The following KLHL4 variants were observed in gnomAD, a reference collection of about 807,000 sequenced individuals.
KLHL4 encodes kelch-like protein 4.
In KLHL4, 17 loss-of-function variants were observed where a neutral mutation model predicts 45.8. The ratio of observed to expected loss-of-function variants is 0.37; its 90% confidence interval spans 0.25 to 0.56. The LOEUF (loss-of-function observed/expected upper bound fraction) is 0.56. Among genes scored for constraint, KLHL4 ranks in the 20% least tolerant of loss-of-function variants. KLHL4 has a pLI of 0.79. For missense variants in KLHL4, 544 were observed against 544.9 expected (o/e 1.00, Z 0.02); for synonymous variants, 224 against 189.9 (o/e 1.18, Z -1.47).
rs887320719 is a variant in KLHL4, at chrX:87,617,844, A to G, written c.728-88A>G. The G allele has an allele frequency of 6.8e-6, 5 of 732,934 alleles. No individual in the cohort carries two copies. The African/African-American group carries it at 1.1e-4, about 16-fold the overall frequency. The allele number at this position is 732,934 out of a possible 1,213,427, so 60.4% of individuals were successfully genotyped here. ...GCTGAAAATCATAGCTCTACTAGAGAGGAAAATAAAAAAAAAATGTCAACT... is the reference window on the plus strand; with the variant it reads ...GCTGAAAATCATAGCTCTACTAGAGGGGAAAATAAAAAAAAAATGTCAACT... On this transcript the variant is annotated intron_variant, in intron 3 of 10. Transcript: ENST00000373119.
chrX:87,602,081 A>T (rs1188977605), intron 1 of KLHL4, among the ~76,000 whole-genome samples: 1 of 111,310 alleles, frequency 9.0e-6, no homozygotes, highest in Non-Finnish European at 1.9e-5. Context: ...ATGTTTATAA[A>T]ATATGGACAT....
rs34590694 is a variant in KLHL4, at chrX:87,531,557, T to C, written c.422+13242T>C. 1.1e-4 allele frequency among the ~76,000 whole-genome samples: 12 copies of C among 107,712 alleles called. No homozygotes were observed. In the South Asian group the frequency reaches 5.0e-3, roughly 45 times the overall value. The allele number at this position is 107,712 out of a possible 115,157, so 93.5% of individuals were successfully genotyped here. On this transcript the variant is annotated intron_variant, in intron 1 of 10. Transcript: ENST00000373119. Reference sequence around the variant, plus strand: ...AAGTCAAATTGTCCCTGTTTGCAGATGACATGATTGTATATCTAGAAAACC... The same window carrying C: ...AAGTCAAATTGTCCCTGTTTGCAGACGACATGATTGTATATCTAGAAAACC...
At chrX:87,531,967 A>C (rs1931294391) in intron 1 of KLHL4, among the ~76,000 whole-genome samples, 1 of 105,131 alleles carries the variant, frequency 9.5e-6, no homozygotes, top group Admixed American at 1.0e-4. Flanking sequence ...TTCTTCACAG[A>C]ATTGGAAAAA....
intron 1 of KLHL4, among the ~76,000 whole-genome samples, chrX:87,570,850 G>A (rs1348703271): frequency 9.1e-6 from 1 of 110,391 alleles, no homozygotes; most frequent in Admixed American, 9.7e-5. Flanking sequence ...AAAATATTTG[G>A]GAGGTAGGAT....
intron 4 of KLHL4, 60 bp from the exon 5 acceptor site, chrX:87,622,151 C>A: frequency 1.4e-6 from 1 of 734,238 alleles, no homozygotes; most frequent in African/African-American, 2.1e-5. Context: ...CTTTGATATG[C>A]TTATTCCATT....
intron 1 of KLHL4, among the ~76,000 whole-genome samples, chrX:87,552,838 A>T (rs1483896761): frequency 9.1e-6 from 1 of 110,155 alleles, no homozygotes; most frequent in African/African-American, 3.3e-5. Context: ...GGAGGTACAG[A>T]TGGTTAGTGG....
At chrX:87,632,540 A>G in intron 7 of KLHL4, 106 bp downstream of exon 7, 1 of 479,487 alleles carries the variant, frequency 2.1e-6, no homozygotes, top group Non-Finnish European at 3.4e-6. Context: ...CCTTAGTGAA[A>G]ATGTCTCCAA....
intron 1 of KLHL4, among the ~76,000 whole-genome samples, chrX:87,553,232 A>T (rs1295772464): frequency 9.0e-6 from 1 of 111,124 alleles, no homozygotes; most frequent in East Asian, 2.8e-4. Context: ...AAAAAGTAGA[A>T]ATCAATACAT....
intron 8 of KLHL4, among the ~76,000 whole-genome samples, chrX:87,635,132 T>G (rs1385759318): frequency 8.9e-6 from 1 of 111,959 alleles, no homozygotes; most frequent in Non-Finnish European, 1.9e-5. Context: ...AATTTTTTAA[T>G]GCAAATATAA....
chrX:87,544,736 C>G (rs759587873), intron 1 of KLHL4, among the ~76,000 whole-genome samples: 2 of 111,764 alleles, frequency 1.8e-5, no homozygotes, highest in Non-Finnish European at 3.8e-5. Flanking sequence ...AGAACCACAG[C>G]ATTACAGGGT....
rs772100679 is a variant in KLHL4, at chrX:87,636,136, T to A, written c.1925+361T>A. Among the ~76,000 whole-genome samples the A allele has an allele frequency of 3.6e-5, 4 of 112,628 alleles. No individual in the cohort carries two copies. In the South Asian group the frequency reaches 1.4e-3, roughly 41 times the overall value. The stretch of plus-strand genomic sequence containing the variant: ...TTATCTTCTGTACAATTGTACACTT[T>A]CTCTTAGACTAAAAATATATTTTTT... On this transcript the variant is annotated intron_variant, in intron 9 of 10. Transcript: ENST00000373119.
intron 1 of KLHL4, among the ~76,000 whole-genome samples, chrX:87,571,100 T>A (rs1248516619): frequency 1.8e-5 from 2 of 110,996 alleles, no homozygotes; most frequent in East Asian, 5.7e-4. Context: ...TATTTTATAA[T>A]CTGACAACTC....
intron 1 of KLHL4, among the ~76,000 whole-genome samples, chrX:87,595,836 T>C (rs1366027344): frequency 9.0e-6 from 1 of 111,409 alleles, no homozygotes; most frequent in African/African-American, 3.3e-5. Context: ...CTAATAATAC[T>C]AAATATAAAT....
chrX:87,553,569 A>T (rs757601432), intron 1 of KLHL4, among the ~76,000 whole-genome samples: 14 of 110,548 alleles, frequency 1.3e-4, no homozygotes, highest in African/African-American at 4.6e-4. Flanking sequence ...CTTAATTCTA[A>T]TATCACTTTC....
Position 87,604,496 on chromosome X carries a change from GT to G in KLHL4, c.423-9377del. Among the ~76,000 whole-genome samples, 3 of 110,031 alleles carry G rather than the reference GT, an allele frequency of 2.7e-5. No individual in the cohort carries two copies. In the South Asian group the frequency reaches 1.2e-3, roughly 43 times the overall value. On this transcript the variant is annotated intron_variant, in intron 1 of 10. Coordinates refer to ENST00000373119, the MANE Select transcript of KLHL4 (RefSeq NM_019117.5). ...TGGCGTGAGATAGTATCTCAACGTG[GT>G]TTTGATTAGTGTTTCCTTGATAATT...
intron 1 of KLHL4, among the ~76,000 whole-genome samples, chrX:87,569,306 A>T (rs750535815): frequency 9.0e-6 from 1 of 111,511 alleles, no homozygotes; most frequent in Admixed American, 9.5e-5. Context: ...AATTAAACCA[A>T]AGAGGAAAAT....
chrX:87,669,144 TTATA>T lies in KLHL4; in HGVS notation c.*2614_*2617del. On this transcript the variant is annotated 3_prime_UTR_variant, in exon 11 of 11. Transcript: ENST00000373119. ...AAATGTGTATAGGAAAGGATGTTAT[TTATA>T]TATTCTTACAAGAGTGTAAGGGCTC... is the stretch of plus-strand genomic sequence containing the variant. The T allele has an allele frequency of 9.8e-7, 1 of 1,018,804 alleles. No individual in the cohort carries two copies. The highest frequency in any genetic ancestry group is 1.2e-6 in the Non-Finnish European group (1 of 800,696). 84.0% of individuals were successfully genotyped at this position (1,018,804 alleles called of 1,213,427 possible). A position where few individuals can be genotyped will look rare whatever the true frequency, so the allele number is the denominator to read the frequency against.
chrX:87,541,492 CA>C (rs34665491), intron 1 of KLHL4, among the ~76,000 whole-genome samples: 786 of 44,347 alleles, frequency 0.018, 6 homozygotes, highest in African/African-American at 0.058. Context: ...CTCCATCTCA[CA>C]AAAAAAAAAA....
At chrX:87,531,764 C>T (rs1219612586) in intron 1 of KLHL4, among the ~76,000 whole-genome samples, 4 of 97,892 alleles carry the variant, frequency 4.1e-5, no homozygotes, top group Non-Finnish European at 8.1e-5. Context: ...ACCTAGGAAT[C>T]CAACTTACAA....
Sources: gnomAD v4.1 joint callset for allele counts (sites outside exome capture counted in the v4.1 genomes callset) on GRCh38, gnomAD v4.1.1 for gene constraint, MANE v1.5 for transcripts, NCBI Gene and HGNC (gene_info 2026-07-23, HGNC 2026-07-21) for gene names.